Variants in TENT2 observed in about 807,000 individuals in gnomAD.
TENT2 encodes terminal nucleotidyltransferase 2.
Under a neutral mutation model 72.2 loss-of-function variants are expected in TENT2, and 44 were observed. The ratio of observed to expected loss-of-function variants is 0.61; its 90% CI spans 0.48 to 0.78. The LOEUF is 0.78. Among genes scored for constraint, TENT2 ranks in the 30% least tolerant of loss-of-function variants. TENT2 has a pLI of 0.00. For missense variants in TENT2, 541 were observed against 569.6 expected (o/e 0.95, Z 0.51); for synonymous variants, 212 against 192.5 (o/e 1.10, Z -0.84).
chr5:79,638,835 C>G (rs1161584734), intron 4 of TENT2, among the ~76,000 whole-genome samples: 6 of 152,130 alleles, frequency 3.9e-5, no homozygotes, highest in Non-Finnish European at 8.8e-5. Flanking sequence ...CCTAGTTGCT[C>G]TGTCTTTTGT....
In TENT2 at chr5:79,643,808, T is replaced by C. The variant is rs185466003; in HGVS notation, c.751+898T>C. The stretch of plus-strand genomic sequence containing the variant: ...CATGTAATTCACATGAATTTTTTTT[T>C]CTTTTTCTTTTGGTTATTTTTAATA... On this transcript the variant is annotated intron_variant, in intron 7 of 14. Coordinates refer to ENST00000453514, the MANE Select transcript of TENT2 (RefSeq NM_001114394.3). 3.6e-3 allele frequency among the ~76,000 whole-genome samples: 542 copies of C among 152,238 alleles called. 2 individuals are homozygous for C. The highest frequency in any genetic ancestry group is 5.0e-3 in the Non-Finnish European group (342 of 68,010).
At chr5:79,632,779 T>A (rs565509338) in intron 4 of TENT2, among the ~76,000 whole-genome samples, 25 of 152,328 alleles carry the variant, frequency 1.6e-4, no homozygotes, top group Non-Finnish European at 2.8e-4. Context: ...TTTATGTGTT[T>A]GTCAGAAAAA....
rs77993880 is a variant in TENT2, at chr5:79,641,079, C to T, written c.581-26C>T. The T allele has an allele frequency of 1.5e-3, 2,357 of 1,537,632 alleles. 80 individuals are homozygous for T. The East Asian group carries it at 0.05, about 32-fold the overall frequency. Reference sequence around the variant, plus strand: ...GCACCTACTTTAGATTTTAAATACTCTTATTACTTTCTTCTGTTTCTTTAG... The same window carrying T: ...GCACCTACTTTAGATTTTAAATACTTTTATTACTTTCTTCTGTTTCTTTAG... On this transcript the variant is annotated intron_variant, in intron 5 of 14. Transcript: ENST00000453514.
chr5:79,615,403 GA>G (rs1348868127), intron 1 of TENT2, among the ~76,000 whole-genome samples: 2 of 152,062 alleles, frequency 1.3e-5, no homozygotes, highest in Non-Finnish European at 2.9e-5. Context: ...TTTTTGCTAT[GA>G]ACCGATTTAA....
chr5:79,649,719 T>C (rs1179546561), intron 10 of TENT2, among the ~76,000 whole-genome samples: 2 of 152,158 alleles, frequency 1.3e-5, no homozygotes, highest in Non-Finnish European at 2.9e-5. Flanking sequence ...GCTATACTTT[T>C]GTCGCATGCA....
At position 79,681,975 on chromosome 5, in the gene TENT2, A is replaced by AT; in HGVS notation, c.1301-5dup. 1 of 1,607,274 alleles carries AT rather than the reference A, an allele frequency of 6.2e-7. No individual in the cohort carries two copies. The highest frequency in any genetic ancestry group is 8.5e-7 in the Non-Finnish European group (1 of 1,177,536). ...TTTTTCCTTTACATTTGCATTTAAC[A>AT]TTGCAGAACCTTTTGATGGAACAAA... On this transcript the variant is annotated splice_region_variant and splice_polypyrimidine_tract_variant and intron_variant, in intron 13 of 14. Coordinates refer to ENST00000453514, the MANE Select transcript of TENT2 (RefSeq NM_001114394.3).
intron 1 of TENT2, chr5:79,614,188 C>CT (rs1757609884): frequency 6.9e-6 from 1 of 145,780 alleles, no homozygotes. Flanking sequence ...ACTGCAGCCT[C>CT]TGCCTCCTGG....
At chr5:79,635,302 T>G (rs912537033) in intron 4 of TENT2, among the ~76,000 whole-genome samples, 1 of 152,216 alleles carries the variant, frequency 6.6e-6, no homozygotes, top group East Asian at 1.9e-4. Context: ...GATTTGATAA[T>G]GTGAATCCCC....
At chr5:79,625,827 GTTAGCTGTTTTTTTTTT>G (rs933105424) in intron 4 of TENT2, among the ~76,000 whole-genome samples, 12 of 144,234 alleles carry the variant, frequency 8.3e-5, no homozygotes, top group Non-Finnish European at 8.9e-5. Flanking sequence ...GGTTTTTTTA[GTTAGCTGTTTTTTTTTT>G]TTTGATATAG....
intron 4 of TENT2, among the ~76,000 whole-genome samples, chr5:79,637,847 G>C (rs1431955408): frequency 2.8e-5 from 4 of 143,580 alleles, no homozygotes; most frequent in Non-Finnish European, 6.0e-5. Flanking sequence ...ACCCAGGCTA[G>C]AGTGCAGTGG....
At chr5:79,683,911 GAGACT>G (rs1390247680) in intron 14 of TENT2, among the ~76,000 whole-genome samples, 1 of 99,976 alleles carries the variant, frequency 1.0e-5, no homozygotes, top group Non-Finnish European at 1.8e-5. Flanking sequence ...GCGACAGAGC[GAGACT>G]CCGTCTCAAA....
At chr5:79,621,856 T>C (rs1765254032) in intron 3 of TENT2, among the ~76,000 whole-genome samples, 1 of 152,166 alleles carries the variant, frequency 6.6e-6, no homozygotes, top group Non-Finnish European at 1.5e-5. Flanking sequence ...ATATTCAGCA[T>C]ATATAGCTCT....
At chr5:79,615,709 C>CT (rs368937590) in intron 1 of TENT2, among the ~76,000 whole-genome samples, 28,300 of 144,886 alleles carry the variant, frequency 0.2, 4,126 homozygotes, top group African/African-American at 0.41. Context: ...TTTCTTTTTT[C>CT]TTTTTTTTTT....
chr5:79,642,866 G>A lies in TENT2; in HGVS notation c.707G>A (p.Arg236Gln), dbSNP rs142138126. 124 of 1,611,370 alleles carry A rather than the reference G, an allele frequency of 7.7e-5. 1 individual carries two copies. In the African/African-American group the frequency reaches 1.4e-3, roughly 19 times the overall value. The change falls in exon 7 of 15, where the codon CGG becomes CAG. Residue 236 changes from arginine to glutamine, a missense_variant. Transcript: ENST00000453514. ...CAGGTAAATCAGAAGACTGAAGCAC[G>A]GCATATACTCACCTTAGTCCATAAA... Reference protein sequence around the residue: ...FFQVNQKTEARHILTLVHKHF... With the variant: ...FFQVNQKTEAQHILTLVHKHF...
At position 79,638,017 on chromosome 5, in the gene TENT2, C is replaced by T. The variant is rs551570608; in HGVS notation, c.466-2834C>T. Among the ~76,000 whole-genome samples the T allele has an allele frequency of 3.3e-5, 5 of 151,966 alleles. No individual in the cohort carries two copies. The South Asian group carries it at 1.0e-3, about 32-fold the overall frequency. ...ATTTCACCATGTTGTCCAGGATGGT[C>T]TTGATCTCTTGACCTCGTGATCTGC... On this transcript the variant is annotated intron_variant, in intron 4 of 14. Coordinates refer to ENST00000453514, the MANE Select transcript of TENT2 (RefSeq NM_001114394.3).
chr5:79,643,765 G>A lies in TENT2; in HGVS notation c.751+855G>A, dbSNP rs577428566. 5.9e-5 allele frequency among the ~76,000 whole-genome samples: 9 copies of A among 152,012 alleles called. No individual in the cohort carries two copies. In the South Asian group the frequency reaches 1.9e-3, roughly 32 times the overall value. On this transcript the variant is annotated intron_variant, in intron 7 of 14. Coordinates refer to ENST00000453514, the MANE Select transcript of TENT2 (RefSeq NM_001114394.3). ...CTATTTGAATCAAAATATTAAAAAT[G>A]GAAGGGCCCTTAAAGATCATGTAAT...
At chr5:79,653,593 C>A (rs1462953554) in intron 10 of TENT2, among the ~76,000 whole-genome samples, 1 of 152,082 alleles carries the variant, frequency 6.6e-6, no homozygotes, top group East Asian at 1.9e-4. Context: ...ACAGAGTAGT[C>A]CCATTTACTG....
Position 79,620,984 on chromosome 5 carries a change from T to C in TENT2, c.227+901T>C, listed in dbSNP as rs555152859. Among the ~76,000 whole-genome samples, 7 of 152,144 alleles carry C rather than the reference T, an allele frequency of 4.6e-5. No individual in the cohort carries two copies. In the East Asian group the frequency reaches 1.3e-3, roughly 29 times the overall value. ...TTATTTAAAAACAGAACTTGAGAGGTAGTTATTGAAATAACATTCGGCAAT... is the reference window on the plus strand; with the variant it reads ...TTATTTAAAAACAGAACTTGAGAGGCAGTTATTGAAATAACATTCGGCAAT... On this transcript the variant is annotated intron_variant, in intron 3 of 14. Transcript: ENST00000453514.
chr5:79,667,343 G>A (rs1809091010), intron 11 of TENT2, among the ~76,000 whole-genome samples: 1 of 152,058 alleles, frequency 6.6e-6, no homozygotes, highest in South Asian at 2.1e-4. Context: ...CCTTTTGTTT[G>A]ATTTGCCAGA....
Sources: gnomAD v4.1 joint callset for allele counts (sites outside exome capture counted in the v4.1 genomes callset) on GRCh38, gnomAD v4.1.1 for gene constraint, MANE v1.5 for transcripts, NCBI Gene and HGNC (gene_info 2026-07-23, HGNC 2026-07-21) for gene names.